UBE2R2: variants seen among roughly 807,000 people sequenced by gnomAD.
The protein encoded by UBE2R2 is ubiquitin-conjugating enzyme E2 R2.
Under a neutral mutation model 27.8 loss-of-function variants are expected in UBE2R2, and 1 was observed. The observed-to-expected ratio is 0.04, with a 90% CI of 0.01 to 0.17. UBE2R2 has a LOEUF of 0.17. Among genes scored for constraint, UBE2R2 ranks in the 10% least tolerant of loss-of-function variants. The probability of loss-of-function intolerance (pLI) is 1.00; values close to 1 mark genes in which losing one functional copy is unlikely to be tolerated. For missense variants in UBE2R2, 100 were observed against 291.0 expected (o/e 0.34, Z 4.78); for synonymous variants, 106 against 113.3 (o/e 0.94, Z 0.41).
chr9:33,818,270 T>A (rs1187869846), intron 1 of UBE2R2, among the ~76,000 whole-genome samples: 1 of 151,842 alleles, frequency 6.6e-6, no homozygotes, highest in Non-Finnish European at 1.5e-5. Flanking sequence ...CTATCTGTGC[T>A]TTTTCGTTCT....
intron 1 of UBE2R2, among the ~76,000 whole-genome samples, chr9:33,874,240 G>A (rs2130783225): frequency 6.6e-6 from 1 of 152,184 alleles, no homozygotes; most frequent in East Asian, 1.9e-4. Flanking sequence ...GAACCACCGT[G>A]CCCAGCCTTA....
intron 1 of UBE2R2, among the ~76,000 whole-genome samples, chr9:33,858,688 G>A (rs2130763696): frequency 6.6e-6 from 1 of 152,202 alleles, no homozygotes; most frequent in Admixed American, 6.5e-5. Flanking sequence ...TTACAGGCAT[G>A]AGTCACCGTT....
intron 1 of UBE2R2, among the ~76,000 whole-genome samples, chr9:33,881,973 G>T (rs972604952): frequency 2.0e-5 from 3 of 152,154 alleles, no homozygotes; most frequent in African/African-American, 7.2e-5. Flanking sequence ...AGGAAGATTT[G>T]ACCCTTCTCC....
chr9:33,918,486 T>C lies in UBE2R2; in HGVS notation c.*1249T>C, dbSNP rs1587489568. On this transcript the variant is annotated 3_prime_UTR_variant, in exon 5 of 5. Transcript: ENST00000263228. ...GGCTGAGGGAGTTGACTGCAGGCAG[T>C]TTTTAGGCCAGATAAGGCTAGATCT... 6.6e-6 allele frequency: 1 copy of C among 151,858 alleles called. No homozygotes were observed. The highest frequency in any genetic ancestry group is 1.5e-5 in the Non-Finnish European group (1 of 68,004). 9.4% of individuals were successfully genotyped at this position (151,858 alleles called of 1,614,324 possible). A position where few individuals can be genotyped will look rare whatever the true frequency, so the allele number is the denominator to read the frequency against.
At chr9:33,845,642 T>C (rs1369691359) in intron 1 of UBE2R2, among the ~76,000 whole-genome samples, 1 of 152,168 alleles carries the variant, frequency 6.6e-6, no homozygotes, top group Non-Finnish European at 1.5e-5. Flanking sequence ...AAATGAGCCA[T>C]CCACCTAATT....
intron 1 of UBE2R2, among the ~76,000 whole-genome samples, chr9:33,843,818 G>C (rs1820782934): frequency 6.6e-6 from 1 of 152,146 alleles, no homozygotes; most frequent in Admixed American, 6.5e-5. Context: ...AGTTTATAGA[G>C]ATGTTTGACA....
intron 1 of UBE2R2, among the ~76,000 whole-genome samples, chr9:33,838,761 A>G (rs976087963): frequency 6.6e-6 from 1 of 152,162 alleles, no homozygotes; most frequent in Admixed American, 6.6e-5. Context: ...ATAAACCTCT[A>G]AAGCAACAGT....
At chr9:33,906,261 T>G (rs1822354608) in intron 3 of UBE2R2, among the ~76,000 whole-genome samples, 1 of 152,200 alleles carries the variant, frequency 6.6e-6, no homozygotes, top group African/African-American at 2.4e-5. Context: ...TACTTGGGAT[T>G]ACAGGCATGC....
chr9:33,868,952 G>A (rs1209548340), intron 1 of UBE2R2, among the ~76,000 whole-genome samples: 1 of 152,104 alleles, frequency 6.6e-6, no homozygotes, highest in African/African-American at 2.4e-5. Flanking sequence ...GAATAATTGG[G>A]ATATATTTCA....
chr9:33,908,956 T>C (rs2130818280), intron 3 of UBE2R2, among the ~76,000 whole-genome samples: 1 of 152,104 alleles, frequency 6.6e-6, no homozygotes, highest in South Asian at 2.1e-4. Context: ...TGATCACGCC[T>C]ATAAATAGCC....
At chr9:33,818,048 C>G (rs1231140891) in intron 1 of UBE2R2, 114 bp downstream of exon 1, 1 of 1,258,640 alleles carries the variant, frequency 7.9e-7, no homozygotes, top group Non-Finnish European at 1.1e-6. Flanking sequence ...GAGGGGGCTT[C>G]TCACCCGTGC....
chr9:33,853,724 A>G (rs963599242), intron 1 of UBE2R2, among the ~76,000 whole-genome samples: 6 of 149,120 alleles, frequency 4.0e-5, no homozygotes, highest in African/African-American at 1.5e-4. Context: ...TTTATGGCCC[A>G]TGTTGTCATT....
intron 2 of UBE2R2, 27 bp from the exon 3 acceptor site, chr9:33,900,147 A>G: frequency 1.9e-6 from 3 of 1,572,356 alleles, no homozygotes; most frequent in Non-Finnish European, 2.6e-6. Flanking sequence ...TTGAGTATTT[A>G]CTGAATGTAA....
intron 1 of UBE2R2, among the ~76,000 whole-genome samples, chr9:33,882,411 C>T (rs962983577): frequency 2.6e-5 from 4 of 152,132 alleles, no homozygotes; most frequent in African/African-American, 9.7e-5. Flanking sequence ...CTCAGCCTCC[C>T]GAGTAGCTGG....
intron 1 of UBE2R2, among the ~76,000 whole-genome samples, chr9:33,861,104 G>T (rs911733651): frequency 6.6e-6 from 1 of 151,264 alleles, no homozygotes; most frequent in Non-Finnish European, 1.5e-5. Context: ...GACTACAGGC[G>T]CCCGCCACCA....
At chr9:33,842,671 T>C (rs1302185794) in intron 1 of UBE2R2, among the ~76,000 whole-genome samples, 1 of 152,184 alleles carries the variant, frequency 6.6e-6, no homozygotes, top group Non-Finnish European at 1.5e-5. Flanking sequence ...TATTTATTGC[T>C]TGGGAGGGAG....
intron 4 of UBE2R2, among the ~76,000 whole-genome samples, chr9:33,916,815 T>C (rs1195099408): frequency 6.6e-6 from 1 of 152,090 alleles, no homozygotes; most frequent in African/African-American, 2.4e-5. Context: ...TTTCCCCTCC[T>C]AAAAAGTCAA....
intron 1 of UBE2R2, among the ~76,000 whole-genome samples, chr9:33,837,428 T>TC (rs1347333704): frequency 6.6e-6 from 1 of 150,532 alleles, no homozygotes; most frequent in African/African-American, 2.4e-5. Flanking sequence ...TTCTTTTTTT[T>TC]TTTTTTTTTT....
chr9:33,823,280 CT>C, intron 1 of UBE2R2, among the ~76,000 whole-genome samples: 1 of 152,086 alleles, frequency 6.6e-6, no homozygotes, highest in Non-Finnish European at 1.5e-5. Context: ...TCAAGTAATC[CT>C]CCCGCCTCAG....
Sources: allele counts gnomAD v4.1 joint callset (sites outside exome capture counted in the v4.1 genomes callset), GRCh38; gene constraint gnomAD v4.1.1; transcripts MANE v1.5; gene names NCBI Gene and HGNC (gene_info 2026-07-23, HGNC 2026-07-21).